ABCC2: variants seen among roughly 807,000 people sequenced by gnomAD.
ABCC2 encodes the protein ATP binding cassette subfamily C member 2.
A neutral mutation model predicts 173.4 loss-of-function variants in ABCC2; 157 were observed. That is an observed-to-expected ratio of 0.91 (90% confidence interval 0.80 to 1.03). The LOEUF (loss-of-function observed/expected upper bound fraction) is 1.03, where lower values mean the gene tolerates loss of function less well. Ranked by LOEUF, ABCC2 falls within the 50% of genes least tolerant of loss-of-function variation. The pLI is 0.00. For synonymous variants in ABCC2, 657 were observed against 693.5 expected (o/e 0.95, Z 0.83); for missense variants, 1,822 against 1,852.3 (o/e 0.98, Z 0.30).
chr10:99,807,236 C>A, intron 11 of ABCC2, 148 bp from the exon 12 acceptor site: 2 of 1,076,060 alleles, frequency 1.9e-6, no homozygotes, highest in Non-Finnish European at 2.8e-6. Flanking sequence ...TCAACAAATA[C>A]AAGCTACCTT....
chr10:99,846,443 C>T (rs2039018780), intron 29 of ABCC2, among the ~76,000 whole-genome samples: 1 of 150,158 alleles, frequency 6.7e-6, no homozygotes, highest in Non-Finnish European at 1.5e-5. Context: ...CTGTACTATT[C>T]TTTCCTCTAC....
At chr10:99,813,385 G>A (rs1048888241) in intron 16 of ABCC2, among the ~76,000 whole-genome samples, 1 of 152,192 alleles carries the variant, frequency 6.6e-6, no homozygotes, top group Non-Finnish European at 1.5e-5. Context: ...ATACTACAGT[G>A]TGAAAACTGC....
rs2039026225 is a variant in ABCC2, at chr10:99,846,947, C to T, written c.4147-14C>T. 6.2e-7 allele frequency: 1 copy of T among 1,613,948 alleles called. No individual in the cohort carries two copies. Among genetic ancestry groups the T allele is most frequent in the Admixed American group, 1.7e-5 (1 of 60,006 alleles). ...GCATGAGCCCCAACAGCCCCCTTGT[C>T]CTTTCACTTGCAGGACCCCATCCTG... On this transcript the variant is annotated splice_polypyrimidine_tract_variant and intron_variant, in intron 29 of 31. Coordinates refer to ENST00000647814, the MANE Select transcript of ABCC2 (RefSeq NM_000392.5).
At chr10:99,812,027 A>G (rs1206320885) in intron 15 of ABCC2, among the ~76,000 whole-genome samples, 1 of 152,248 alleles carries the variant, frequency 6.6e-6, no homozygotes, top group Non-Finnish European at 1.5e-5. Flanking sequence ...TCTTCTGCAC[A>G]TAGTGTGTCT....
intron 27 of ABCC2, 137 bp from the exon 28 acceptor site, chr10:99,844,185 A>C (rs2038983671): frequency 9.5e-7 from 1 of 1,054,658 alleles, no homozygotes; most frequent in African/African-American, 1.6e-5. Flanking sequence ...AGTCTAGTTC[A>C]GCCTATTAAA....
intron 17 of ABCC2, 93 bp downstream of exon 17, chr10:99,817,577 T>C: frequency 7.3e-7 from 1 of 1,373,118 alleles, no homozygotes; most frequent in South Asian, 1.2e-5. Flanking sequence ...GGTAATCTAG[T>C]TGATTAATTT....
At chr10:99,826,085 C>T (rs574017743) in intron 19 of ABCC2, among the ~76,000 whole-genome samples, 1 of 152,256 alleles carries the variant, frequency 6.6e-6, no homozygotes, top group African/African-American at 2.4e-5. Flanking sequence ...AGTCAGGTGG[C>T]TCTCTACCTG....
At chr10:99,839,190 A>T (rs1171795577) in intron 25 of ABCC2, among the ~76,000 whole-genome samples, 1 of 38,712 alleles carries the variant, frequency 2.6e-5, no homozygotes, top group African/African-American at 9.3e-5. Flanking sequence ...GCGGGGGGCC[A>T]ACCCCCCCAC....
chr10:99,814,073 A>G (rs72838113), intron 16 of ABCC2, among the ~76,000 whole-genome samples: 4,572 of 145,130 alleles, frequency 0.032, 173 homozygotes, highest in Middle Eastern at 0.13. Flanking sequence ...GTATATATAT[A>G]TGTGTATGTG....
At chr10:99,814,756 C>T (rs1374258020) in intron 16 of ABCC2, among the ~76,000 whole-genome samples, 1 of 131,310 alleles carries the variant, frequency 7.6e-6, no homozygotes, top group African/African-American at 3.3e-5. Context: ...TATGTATATA[C>T]ACACACATAT....
At position 99,790,178 on chromosome 10, in the gene ABCC2, G is replaced by A. The variant is rs564189393; in HGVS notation, c.208-2056G>A. ...AGAATTTTTATACACAGTGCAAACTGCCCTCAAAGAGGCTTTCCTTGGTCT... is the reference window on the plus strand; with the variant it reads ...AGAATTTTTATACACAGTGCAAACTACCCTCAAAGAGGCTTTCCTTGGTCT... On this transcript the variant is annotated intron_variant, in intron 2 of 31. Transcript: ENST00000647814. Among the ~76,000 whole-genome samples, 10 of 152,278 alleles carry A rather than the reference G, an allele frequency of 6.6e-5. No homozygotes were observed. The South Asian group carries it at 2.1e-3, about 32-fold the overall frequency.
chr10:99,802,201 T>C (rs1415849326), intron 9 of ABCC2, among the ~76,000 whole-genome samples: 1 of 152,248 alleles, frequency 6.6e-6, no homozygotes, highest in Non-Finnish European at 1.5e-5. Context: ...ATGACACTTT[T>C]ATTCAAATAA....
At chr10:99,784,827 A>C (rs780745948) in intron 2 of ABCC2, 46 bp downstream of exon 2, 7 of 1,601,226 alleles carry the variant, frequency 4.4e-6, no homozygotes, top group Non-Finnish European at 5.1e-6. Flanking sequence ...CTTGGTGCAC[A>C]GTAGAGACAT....
chr10:99,833,842 C>A (rs1260466471), intron 23 of ABCC2, among the ~76,000 whole-genome samples: 3 of 152,142 alleles, frequency 2.0e-5, no homozygotes, highest in Non-Finnish European at 2.9e-5. Context: ...AAATATAAAC[C>A]AAGCTTCTTG....
intron 2 of ABCC2, among the ~76,000 whole-genome samples, chr10:99,789,722 A>AG (rs1268324300): frequency 2.0e-5 from 3 of 148,488 alleles, no homozygotes; most frequent in Admixed American, 1.3e-4. Flanking sequence ...AAAAAAAAAA[A>AG]AAAAGAAAAA....
chr10:99,804,378 G>T, intron 10 of ABCC2, 105 bp downstream of exon 10: 1 of 1,472,990 alleles, frequency 6.8e-7, no homozygotes, highest in Non-Finnish European at 9.4e-7. Flanking sequence ...GGCAAAGCTG[G>T]TGGAAGACTT....
intron 19 of ABCC2, among the ~76,000 whole-genome samples, chr10:99,828,156 G>A (rs551895212): frequency 6.6e-6 from 1 of 151,114 alleles, no homozygotes; most frequent in Non-Finnish European, 1.5e-5. Flanking sequence ...CTGAGTTTCT[G>A]GATTCTGTTA....
Position 99,836,096 on chromosome 10 carries a change from TTA to T in ABCC2, c.3422_3423del (p.Tyr1141CysfsTer36), listed in dbSNP as rs774778158. Reference sequence around the variant, plus strand: ...TCTTTACTTTTTGTGTCCAGATGTTTTATGTGTCTACCTCCCGCCAGCTGAGG... The same window carrying T: ...TCTTTACTTTTTGTGTCCAGATGTTTTGTGTCTACCTCCCGCCAGCTGAGG... ...GIIYVSVQMF[Y>X]VSTSRQLRRL... is the part of the protein sequence containing the mutation. On this transcript the variant is annotated frameshift_variant, in exon 25 of 32. Transcript: ENST00000647814. LOFTEE classifies it high-confidence loss of function. 6.2e-7 allele frequency: 1 copy of T among 1,613,302 alleles called. No individual in the cohort carries two copies. Among genetic ancestry groups the T allele is most frequent in the African/African-American group, 1.3e-5 (1 of 74,908 alleles).
At chr10:99,824,714 TG>T in intron 19 of ABCC2, among the ~76,000 whole-genome samples, 1 of 152,290 alleles carries the variant, frequency 6.6e-6, no homozygotes, top group Non-Finnish European at 1.5e-5. Context: ...GCCAGTCTTT[TG>T]GGATCATGGC....
Sources: allele counts gnomAD v4.1 joint callset (sites outside exome capture counted in the v4.1 genomes callset), GRCh38; gene constraint gnomAD v4.1.1; transcripts MANE v1.5; gene names NCBI Gene and HGNC (gene_info 2026-07-23, HGNC 2026-07-21).